Variants in C10orf90 observed in about 807,000 individuals in gnomAD.
C10orf90 encodes chromosome 10 open reading frame 90, also known as (E2-independent) E3 ubiquitin-conjugating enzyme FATS.
C10orf90 carries 56 observed loss-of-function variants against 62.5 expected under a neutral mutation model. The observed-to-expected ratio is 0.90, with a 90% confidence interval of 0.72 to 1.12. The LOEUF (loss-of-function observed/expected upper bound fraction) is 1.12, where lower values mean the gene tolerates loss of function less well. Ranked by LOEUF, C10orf90 falls within the 50% of genes most tolerant of loss-of-function variation. The pLI, the probability that C10orf90 is intolerant of heterozygous loss-of-function variation, is 0.00. For synonymous variants in C10orf90, 386 were observed against 340.4 expected (o/e 1.13, Z -1.47); for missense variants, 970 against 880.4 (o/e 1.10, Z -1.29).
intron 2 of C10orf90, chr10:126,522,619 G>A (rs1489725100): frequency 6.6e-6 from 1 of 152,220 alleles, no homozygotes; most frequent in Non-Finnish European, 1.5e-5. Context: ...GCTAAACGCT[G>A]GACAGGTGTT....
At chr10:126,431,480 G>A (rs1457380728) in intron 7 of C10orf90, among the ~76,000 whole-genome samples, 1 of 152,176 alleles carries the variant, frequency 6.6e-6, no homozygotes, top group East Asian at 1.9e-4. Context: ...AGAGCCAAGG[G>A]CCACAGAAAC....
intron 2 of C10orf90, among the ~76,000 whole-genome samples, chr10:126,646,163 G>A (rs1203639786): frequency 1.3e-5 from 2 of 152,200 alleles, no homozygotes; most frequent in Non-Finnish European, 2.9e-5. Flanking sequence ...AAGAATGGAA[G>A]CTTTATAAAA....
intron 7 of C10orf90, among the ~76,000 whole-genome samples, chr10:126,430,760 G>C (rs1857525735): frequency 6.6e-6 from 1 of 152,164 alleles, no homozygotes; most frequent in Non-Finnish European, 1.5e-5. Flanking sequence ...TTGGAGTGGG[G>C]CTCCTGCGAT....
intron 2 of C10orf90, among the ~76,000 whole-genome samples, chr10:126,646,246 T>A (rs892933111): frequency 3.9e-5 from 6 of 152,250 alleles, no homozygotes; most frequent in Non-Finnish European, 8.8e-5. Context: ...TTCATATTTG[T>A]CCCATTACTC....
chr10:126,612,269 C>T (rs1030075647), intron 2 of C10orf90, among the ~76,000 whole-genome samples: 25 of 151,736 alleles, frequency 1.6e-4, no homozygotes, highest in African/African-American at 4.8e-4. Context: ...TGCAGTGAGC[C>T]GAGATCACAC....
chr10:126,577,195 C>T (rs1242244692), intron 2 of C10orf90, among the ~76,000 whole-genome samples: 2 of 151,818 alleles, frequency 1.3e-5, no homozygotes, highest in Admixed American at 6.6e-5. Context: ...GATGGATATG[C>T]TAATTACCCT....
chr10:126,543,770 G>A (rs1490136843), intron 2 of C10orf90, among the ~76,000 whole-genome samples: 2 of 152,336 alleles, frequency 1.3e-5, no homozygotes, highest in East Asian at 3.9e-4. Flanking sequence ...AGAAAGATCA[G>A]TTTTCATTAG....
At chr10:126,607,814 G>A (rs553393815) in intron 2 of C10orf90, among the ~76,000 whole-genome samples, 104 of 152,206 alleles carry the variant, frequency 6.8e-4, no homozygotes, top group African/African-American at 2.3e-3. Flanking sequence ...TTACTCATAC[G>A]GTTTCATATT....
intron 2 of C10orf90, among the ~76,000 whole-genome samples, chr10:126,642,510 C>G (rs140640973): frequency 6.6e-6 from 1 of 151,838 alleles, no homozygotes; most frequent in African/African-American, 2.4e-5. Flanking sequence ...CCAGCCTGGG[C>G]GACAGAGCGA....
At chr10:126,513,314 A>G (rs1863245613) in intron 3 of C10orf90, among the ~76,000 whole-genome samples, 1 of 152,202 alleles carries the variant, frequency 6.6e-6, no homozygotes, top group Admixed American at 6.5e-5. Context: ...TAAGAGCAGT[A>G]CCTGTCTTGT....
intron 3 of C10orf90, among the ~76,000 whole-genome samples, chr10:126,512,983 C>G (rs976410568): frequency 6.6e-6 from 1 of 152,168 alleles, no homozygotes; most frequent in Admixed American, 6.5e-5. Flanking sequence ...AATATTTTAA[C>G]AGGTATCTTT....
At chr10:126,555,720 A>AT (rs3040714) in intron 2 of C10orf90, among the ~76,000 whole-genome samples, 445 of 133,396 alleles carry the variant, frequency 3.3e-3, no homozygotes, top group Non-Finnish European at 6.1e-3. Context: ...AAATAAATAA[A>AT]AATTAAATAA....
intron 7 of C10orf90, among the ~76,000 whole-genome samples, chr10:126,449,075 C>T (rs948129935): frequency 6.6e-6 from 1 of 152,110 alleles, no homozygotes. Context: ...CAGATAAGAA[C>T]ATTTTAAGAA....
chr10:126,619,917 ACCACTGCAC>A (rs1457595488), intron 2 of C10orf90, among the ~76,000 whole-genome samples: 1 of 152,188 alleles, frequency 6.6e-6, no homozygotes, highest in Non-Finnish European at 1.5e-5. Flanking sequence ...GCAGGCGTGA[ACCACTGCAC>A]CTAGTCATTT....
At chr10:126,497,678 G>A (rs1862139911) in intron 4 of C10orf90, among the ~76,000 whole-genome samples, 1 of 152,194 alleles carries the variant, frequency 6.6e-6, no homozygotes. Context: ...AGCAGGGGGG[G>A]TCACACATTT....
intron 1 of C10orf90, among the ~76,000 whole-genome samples, chr10:126,648,632 T>C (rs1846218497): frequency 6.6e-6 from 1 of 152,232 alleles, no homozygotes; most frequent in Admixed American, 6.5e-5. Flanking sequence ...GCTGTAACAT[T>C]GTATATGGGG....
chr10:126,635,791 A>T (rs1450347462), intron 2 of C10orf90, among the ~76,000 whole-genome samples: 1 of 152,130 alleles, frequency 6.6e-6, no homozygotes, highest in Admixed American at 6.5e-5. Context: ...CTGTTATATA[A>T]CCTGGCCTCC....
chr10:126,576,474 T>C (rs922972584), intron 2 of C10orf90, among the ~76,000 whole-genome samples: 2 of 151,944 alleles, frequency 1.3e-5, no homozygotes, highest in African/African-American at 2.4e-5. Flanking sequence ...TTGGTGGGAA[T>C]GTAAACAAAT....
intron 2 of C10orf90, among the ~76,000 whole-genome samples, chr10:126,518,493 T>C (rs1328313466): frequency 6.6e-6 from 1 of 151,840 alleles, no homozygotes; most frequent in Non-Finnish European, 1.5e-5. Flanking sequence ...TCTGTGGGCA[T>C]GGGAATCTCA....
Sources: allele counts gnomAD v4.1 joint callset (sites outside exome capture counted in the v4.1 genomes callset), GRCh38; gene constraint gnomAD v4.1.1; transcripts MANE v1.5; gene names NCBI Gene and HGNC (gene_info 2026-07-23, HGNC 2026-07-21).